GRM1: variants seen among roughly 807,000 people sequenced by gnomAD.
GRM1 encodes the protein glutamate metabotropic receptor 1.
In GRM1, 33 loss-of-function variants were observed where a neutral mutation model predicts 90.9. The ratio of observed to expected loss-of-function variants is 0.36; its 90% CI spans 0.28 to 0.49. GRM1 has a LOEUF of 0.49. GRM1 is among the 20% of genes least tolerant of loss of function. The probability of loss-of-function intolerance (pLI) is 0.99; values close to 1 mark genes in which losing one functional copy is unlikely to be tolerated. For missense variants in GRM1, 1,190 were observed against 1,534.3 expected (o/e 0.78, Z 3.75); for synonymous variants, 700 against 613.2 (o/e 1.14, Z -2.09).
chr6:146,124,326 TATA>T (rs1372137363), intron 1 of GRM1, among the ~76,000 whole-genome samples: 1 of 152,202 alleles, frequency 6.6e-6, no homozygotes, highest in Non-Finnish European at 1.5e-5. Flanking sequence ...ACTAGTTCTA[TATA>T]ATAATTCAGT....
chr6:146,341,799 T>G (rs1416868614), intron 3 of GRM1, among the ~76,000 whole-genome samples: 1 of 152,192 alleles, frequency 6.6e-6, no homozygotes, highest in Non-Finnish European at 1.5e-5. Context: ...GTGCAGCCAG[T>G]CTTAACGAGA....
intron 7 of GRM1, chr6:146,426,476 C>G (rs950338492): frequency 3.9e-6 from 5 of 1,284,500 alleles, no homozygotes; most frequent in African/African-American, 1.5e-5. Flanking sequence ...GGGCCAGGCA[C>G]TGCCTGAGTG....
chr6:146,264,901 A>T (rs1213082903), intron 2 of GRM1, among the ~76,000 whole-genome samples: 1 of 152,118 alleles, frequency 6.6e-6, no homozygotes, highest in Non-Finnish European at 1.5e-5. Context: ...ATTCCATGGT[A>T]TATACATCCC....
rs1479633455 is a variant in GRM1, at chr6:146,357,710, A to G, written c.1602+16A>G. The stretch of plus-strand genomic sequence containing the variant: ...CCAGATTAAGGTAAGCCACAAATGC[A>G]TTCTTGCATGGTATCTGTGAGGAGG... On this transcript the variant is annotated intron_variant, in intron 5 of 7. Transcript: ENST00000282753. The G allele has an allele frequency of 1.2e-6, 2 of 1,608,060 alleles. No homozygotes were observed. Among genetic ancestry groups the G allele is most frequent in the Non-Finnish European group, 1.7e-6 (2 of 1,174,662 alleles).
intron 3 of GRM1, among the ~76,000 whole-genome samples, chr6:146,317,013 A>G (rs1457539797): frequency 6.6e-6 from 1 of 152,230 alleles, no homozygotes; most frequent in Admixed American, 6.5e-5. Context: ...AATTCTTGTT[A>G]GACAAGCCTC....
chr6:146,428,061 G>A (rs1200319727), intron 7 of GRM1, among the ~76,000 whole-genome samples: 2 of 152,184 alleles, frequency 1.3e-5, no homozygotes, highest in African/African-American at 2.4e-5. Context: ...TAAAGTAACA[G>A]TCAGCAAAGC....
chr6:146,093,339 C>A (rs895213905), intron 1 of GRM1, among the ~76,000 whole-genome samples: 1 of 152,028 alleles, frequency 6.6e-6, no homozygotes, highest in Non-Finnish European at 1.5e-5. Flanking sequence ...TTGTTTCCAC[C>A]TTTGCTGTCT....
At chr6:146,111,301 C>A (rs1487942415) in intron 1 of GRM1, among the ~76,000 whole-genome samples, 1 of 152,182 alleles carries the variant, frequency 6.6e-6, no homozygotes, top group Non-Finnish European at 1.5e-5. Flanking sequence ...TACCAGCTTT[C>A]ACGACCATGG....
chr6:146,301,797 A>G (rs926834660), intron 2 of GRM1, among the ~76,000 whole-genome samples: 2 of 152,168 alleles, frequency 1.3e-5, no homozygotes, highest in African/African-American at 4.8e-5. Context: ...TTAAATGTAA[A>G]TAAACCGGTT....
chr6:146,265,096 G>A (rs1038710417), intron 2 of GRM1, among the ~76,000 whole-genome samples: 2 of 152,018 alleles, frequency 1.3e-5, no homozygotes, highest in African/African-American at 2.4e-5. Context: ...TTAGTTCTTC[G>A]AGCAATCGCT....
intron 5 of GRM1, among the ~76,000 whole-genome samples, chr6:146,382,605 C>T: frequency 6.6e-6 from 1 of 151,960 alleles, no homozygotes; most frequent in East Asian, 1.9e-4. Flanking sequence ...TAGAGACTAC[C>T]CTTCCTTTTT....
chr6:146,423,986 C>G (rs928035172), intron 7 of GRM1, among the ~76,000 whole-genome samples: 1 of 152,182 alleles, frequency 6.6e-6, no homozygotes, highest in South Asian at 2.1e-4. Context: ...CCACCAGACA[C>G]GGCCATCCCC....
intron 2 of GRM1, among the ~76,000 whole-genome samples, chr6:146,215,778 A>G (rs1779850333): frequency 6.8e-6 from 1 of 147,444 alleles, no homozygotes; most frequent in Non-Finnish European, 1.5e-5. Context: ...TTTTTTTGAG[A>G]CAGAGTCTCG....
At chr6:146,415,213 C>A (rs534997620) in intron 7 of GRM1, among the ~76,000 whole-genome samples, 1 of 152,220 alleles carries the variant, frequency 6.6e-6, no homozygotes, top group Non-Finnish European at 1.5e-5. Flanking sequence ...TGTATCTTCA[C>A]CTGGCAGAGA....
intron 6 of GRM1, among the ~76,000 whole-genome samples, chr6:146,391,540 T>G (rs1024878268): frequency 1.3e-5 from 2 of 152,038 alleles, no homozygotes; most frequent in African/African-American, 4.8e-5. Flanking sequence ...CAAACACACC[T>G]GGAGGTTGGA....
intron 1 of GRM1, among the ~76,000 whole-genome samples, chr6:146,038,484 T>C (rs1790973246): frequency 6.6e-6 from 1 of 152,140 alleles, no homozygotes; most frequent in African/African-American, 2.4e-5. Flanking sequence ...AGATGTAAGA[T>C]GTCATTATTG....
chr6:146,404,828 CATGTATA>C (rs1452531106), intron 7 of GRM1, among the ~76,000 whole-genome samples: 3 of 152,126 alleles, frequency 2.0e-5, no homozygotes, highest in African/African-American at 7.2e-5. Flanking sequence ...GTTTCATCAT[CATGTATA>C]AGCTTTAGGG....
intron 7 of GRM1, among the ~76,000 whole-genome samples, chr6:146,416,403 T>A (rs1271126665): frequency 1.3e-5 from 2 of 152,116 alleles, no homozygotes; most frequent in East Asian, 3.8e-4. Flanking sequence ...TTATTTTTTA[T>A]GGTTATCATA....
At chr6:146,309,241 A>T (rs999470775) in intron 3 of GRM1, among the ~76,000 whole-genome samples, 48 of 152,112 alleles carry the variant, frequency 3.2e-4, no homozygotes, top group African/African-American at 1.1e-3. Context: ...TCTACTAAAA[A>T]TACAAAAATT....
Sources: gnomAD v4.1 joint callset for allele counts (sites outside exome capture counted in the v4.1 genomes callset) on GRCh38, gnomAD v4.1.1 for gene constraint, MANE v1.5 for transcripts, NCBI Gene and HGNC (gene_info 2026-07-23, HGNC 2026-07-21) for gene names.